Variants in IFT43 observed in about 807,000 individuals in gnomAD.
IFT43 encodes intraflagellar transport 43.
In IFT43, 33 loss-of-function variants were observed where a neutral mutation model predicts 32.3. That is an observed-to-expected ratio of 1.02 (90% CI 0.77 to 1.37). IFT43 has a LOEUF of 1.37. IFT43 is among the 40% of genes most tolerant of loss of function. The pLI, the probability that IFT43 is intolerant of heterozygous loss-of-function variation, is 0.00. For synonymous variants in IFT43, 93 were observed against 98.2 expected (o/e 0.95, Z 0.31); for missense variants, 274 against 265.9 (o/e 1.03, Z -0.21).
intron 2 of IFT43, among the ~76,000 whole-genome samples, chr14:75,999,271 A>AT (rs2035832498): frequency 7.7e-5 from 2 of 25,812 alleles, no homozygotes; most frequent in African/African-American, 2.0e-4. Context: ...ATATATATAT[A>AT]TGTATATATA....
chr14:75,988,828 C>T (rs2035581186), intron 1 of IFT43, 57 bp from the exon 2 acceptor site: 1 of 1,611,994 alleles, frequency 6.2e-7, no homozygotes, highest in African/African-American at 1.3e-5. Context: ...GGATTGTCAT[C>T]TCAGTAGTGG....
chr14:76,082,426 A>G, intron 6 of IFT43, 59 bp downstream of exon 6: 1 of 1,213,544 alleles, frequency 8.2e-7, no homozygotes, highest in South Asian at 1.2e-5. Flanking sequence ...TACACTCCAG[A>G]TATCATCTAT....
chr14:75,996,103 G>A (rs914879985), intron 2 of IFT43, among the ~76,000 whole-genome samples: 2 of 152,210 alleles, frequency 1.3e-5, no homozygotes, highest in Non-Finnish European at 2.9e-5. Flanking sequence ...GAGACCCAGA[G>A]TGCAAGTTGG....
At chr14:76,026,593 G>C (rs1055216227) in intron 3 of IFT43, among the ~76,000 whole-genome samples, 2 of 151,838 alleles carry the variant, frequency 1.3e-5, no homozygotes, top group African/African-American at 2.4e-5. Context: ...ACAGATGCTG[G>C]TGAGGTTGCG....
intron 4 of IFT43, chr14:76,058,919 T>C: frequency 6.9e-7 from 1 of 1,455,218 alleles, no homozygotes; most frequent in East Asian, 2.5e-5. Flanking sequence ...TATGTCCAGG[T>C]ATCAGGGTAC....
At chr14:76,029,152 A>G (rs2036460436) in intron 3 of IFT43, among the ~76,000 whole-genome samples, 1 of 151,982 alleles carries the variant, frequency 6.6e-6, no homozygotes, top group Non-Finnish European at 1.5e-5. Flanking sequence ...CTTTTTAACA[A>G]TAGCCATTCT....
intron 3 of IFT43, among the ~76,000 whole-genome samples, chr14:76,025,610 C>T (rs1381592230): frequency 2.0e-5 from 3 of 152,066 alleles, no homozygotes; most frequent in Non-Finnish European, 2.9e-5. Context: ...AAAAGAGACA[C>T]ATAGACCAAT....
At chr14:76,035,770 C>A (rs1269144878) in intron 3 of IFT43, among the ~76,000 whole-genome samples, 2 of 152,210 alleles carry the variant, frequency 1.3e-5, no homozygotes, top group Non-Finnish European at 2.9e-5. Flanking sequence ...GCTGGTGTGC[C>A]ATGTGCTGCA....
rs549174450 is a variant in IFT43, at chr14:76,010,691, GAT to G, written c.148-11633_148-11632del. 8.9e-3 allele frequency among the ~76,000 whole-genome samples: 1,351 copies of G among 151,732 alleles called. 5 individuals carry two copies. Among genetic ancestry groups the G allele is most frequent in the Non-Finnish European group, 0.015 (1,015 of 67,894 alleles). ...ACTTCAGCATATATCTAAAAAAAAA[GAT>G]ATTTTCCTAGAAAGCCACAAGTCTA... On this transcript the variant is annotated intron_variant, in intron 2 of 8. Coordinates refer to ENST00000314067, the MANE Select transcript of IFT43 (RefSeq NM_001102564.3).
intron 5 of IFT43, among the ~76,000 whole-genome samples, chr14:76,066,227 A>G (rs2037222638): frequency 6.6e-6 from 1 of 152,182 alleles, no homozygotes; most frequent in African/African-American, 2.4e-5. Context: ...TACTTCTAGT[A>G]TTTTTTCCTC....
chr14:76,072,929 A>G (rs944271869), intron 5 of IFT43, among the ~76,000 whole-genome samples: 1 of 152,178 alleles, frequency 6.6e-6, no homozygotes, highest in African/African-American at 2.4e-5. Context: ...AGGCACGAGC[A>G]CTTCTCCACC....
chr14:76,045,020 G>A (rs2036778688), intron 3 of IFT43, among the ~76,000 whole-genome samples: 1 of 152,192 alleles, frequency 6.6e-6, no homozygotes, highest in Middle Eastern at 3.2e-3. Flanking sequence ...TCAACGGTAG[G>A]CTGTATGTGG....
chr14:76,078,682 G>GT (rs757453236), intron 5 of IFT43, among the ~76,000 whole-genome samples: 6 of 152,236 alleles, frequency 3.9e-5, no homozygotes, highest in African/African-American at 7.2e-5. Flanking sequence ...GGAGTCTTCT[G>GT]TTTAAGCATC....
At chr14:76,004,555 A>G (rs2035947780) in intron 2 of IFT43, among the ~76,000 whole-genome samples, 2 of 152,174 alleles carry the variant, frequency 1.3e-5, no homozygotes, top group South Asian at 4.1e-4. Flanking sequence ...CTGATCTCAC[A>G]GTTGATATTT....
intron 2 of IFT43, among the ~76,000 whole-genome samples, chr14:76,014,821 A>G (rs1177088297): frequency 3.3e-5 from 5 of 152,032 alleles, no homozygotes; most frequent in African/African-American, 1.2e-4. Context: ...GAAGTGCCCC[A>G]TGGCTGAGGG....
intron 3 of IFT43, among the ~76,000 whole-genome samples, chr14:76,055,162 A>G (rs1315750574): frequency 6.6e-6 from 1 of 152,090 alleles, no homozygotes; most frequent in Non-Finnish European, 1.5e-5. Context: ...TGGACAATAC[A>G]GTGAGACCCT....
chr14:76,006,013 T>C (rs572476202), intron 2 of IFT43, among the ~76,000 whole-genome samples: 2 of 152,128 alleles, frequency 1.3e-5, no homozygotes, highest in Non-Finnish European at 2.9e-5. Flanking sequence ...GAGTGATTGG[T>C]GCAGAGACAG....
intron 5 of IFT43, among the ~76,000 whole-genome samples, chr14:76,067,332 G>A (rs528500048): frequency 1.3e-5 from 2 of 152,222 alleles, no homozygotes; most frequent in African/African-American, 4.8e-5. Flanking sequence ...TTGGGAGACC[G>A]AGGTGGGTGG....
At chr14:76,057,295 G>C (rs2037037388) in intron 3 of IFT43, among the ~76,000 whole-genome samples, 1 of 151,972 alleles carries the variant, frequency 6.6e-6, no homozygotes, top group South Asian at 2.1e-4. Flanking sequence ...GAAATGGCGT[G>C]ATCTTGGCTC....
Sources: allele counts gnomAD v4.1 joint callset (sites outside exome capture counted in the v4.1 genomes callset), GRCh38; gene constraint gnomAD v4.1.1; transcripts MANE v1.5; gene names NCBI Gene and HGNC (gene_info 2026-07-23, HGNC 2026-07-21).